BTBD16: variants seen among roughly 807,000 people sequenced by gnomAD.
BTBD16 encodes BTB/POZ domain-containing protein 16.
A neutral mutation model predicts 67.4 loss-of-function variants in BTBD16; 66 were observed. That is an observed-to-expected ratio of 0.98 (90% CI 0.80 to 1.20). BTBD16 has a LOEUF of 1.20. BTBD16 is among the 50% of genes most tolerant of loss of function. The pLI, the probability that BTBD16 is intolerant of heterozygous loss-of-function variation, is 0.00. For missense variants in BTBD16, 634 were observed against 616.0 expected, an observed-to-expected ratio of 1.03 and a Z score of -0.31; for synonymous variants, 242 against 236.4, an observed-to-expected ratio of 1.02 and a Z score of -0.22.
At chr10:122,296,312 A>C (rs1590063989) in intron 7 of BTBD16, among the ~76,000 whole-genome samples, 2 of 152,264 alleles carry the variant, frequency 1.3e-5, no homozygotes, top group Admixed American at 1.3e-4. Flanking sequence ...CCAAAATGCA[A>C]CTCAGTAAAA....
At chr10:122,325,589 G>C (rs985429416) in intron 10 of BTBD16, among the ~76,000 whole-genome samples, 4 of 152,110 alleles carry the variant, frequency 2.6e-5, no homozygotes, top group Admixed American at 2.6e-4. Context: ...ATGATGTGGG[G>C]GTGGCAGCAG....
At chr10:122,294,738 C>T (rs2096380029) in intron 7 of BTBD16, among the ~76,000 whole-genome samples, 1 of 152,240 alleles carries the variant, frequency 6.6e-6, no homozygotes, top group African/African-American at 2.4e-5. Context: ...AGCCCAGAGG[C>T]GAGCCCGGAT....
intron 6 of BTBD16, 157 bp from the exon 7 acceptor site, chr10:122,290,920 GATC>G: frequency 1.4e-6 from 1 of 691,134 alleles, no homozygotes; most frequent in Admixed American, 6.3e-5. Flanking sequence ...TGGTAGCACA[GATC>G]GTCAGCTTCT....
intron 5 of BTBD16, among the ~76,000 whole-genome samples, chr10:122,289,124 C>A (rs1273890320): frequency 1.3e-5 from 2 of 152,116 alleles, no homozygotes; most frequent in Admixed American, 1.3e-4. Flanking sequence ...ACAATAGCCA[C>A]CACAGGGACA....
chr10:122,275,877 A>G (rs577119664), intron 2 of BTBD16, among the ~76,000 whole-genome samples: 1 of 151,680 alleles, frequency 6.6e-6, no homozygotes, highest in South Asian at 2.1e-4. Flanking sequence ...AAAAGAATAA[A>G]AAGACAGGTG....
At chr10:122,304,981 T>C (rs2096401078) in intron 9 of BTBD16, among the ~76,000 whole-genome samples, 1 of 152,144 alleles carries the variant, frequency 6.6e-6, no homozygotes, top group Non-Finnish European at 1.5e-5. Flanking sequence ...GCTGAGCATG[T>C]CATGATGTGC....
intron 10 of BTBD16, among the ~76,000 whole-genome samples, chr10:122,326,212 A>C (rs1431016072): frequency 6.6e-6 from 1 of 152,102 alleles, no homozygotes; most frequent in Non-Finnish European, 1.5e-5. Flanking sequence ...CATAGCATGA[A>C]TTTTTCCCAT....
chr10:122,332,578 G>T, intron 13 of BTBD16, 65 bp downstream of exon 13: 1 of 1,519,992 alleles, frequency 6.6e-7, no homozygotes, highest in South Asian at 1.2e-5. Context: ...AAGAACCTTT[G>T]GAGGGCAGCC....
At chr10:122,329,901 G>A (rs533620714) in intron 11 of BTBD16, among the ~76,000 whole-genome samples, 1 of 152,238 alleles carries the variant, frequency 6.6e-6, no homozygotes, top group South Asian at 2.1e-4. Context: ...TCACTTCTAG[G>A]CCCCTTGTTC....
intron 3 of BTBD16, among the ~76,000 whole-genome samples, chr10:122,282,937 T>A (rs1266934534): frequency 1.3e-5 from 2 of 151,722 alleles, no homozygotes; most frequent in African/African-American, 4.8e-5. Flanking sequence ...AGGAGAGCAT[T>A]TGGGAGAGGG....
chr10:122,319,935 T>C (rs975278036), intron 10 of BTBD16, among the ~76,000 whole-genome samples: 2 of 152,162 alleles, frequency 1.3e-5, no homozygotes, highest in Non-Finnish European at 2.9e-5. Context: ...TTTAGAAAAT[T>C]TATCTCTAAG....
In BTBD16 at chr10:122,277,043, G is replaced by T. The variant is rs555339266; in HGVS notation, c.167+104G>T. ...TGATTGGCTGCAGTGGCTGTCAAGGGCACATCTGCAAGGAAGGCTCCCTCT... is the reference window on the plus strand; with the variant it reads ...TGATTGGCTGCAGTGGCTGTCAAGGTCACATCTGCAAGGAAGGCTCCCTCT... On this transcript the variant is annotated intron_variant, in intron 3 of 15. Coordinates refer to ENST00000260723, the MANE Select transcript of BTBD16 (RefSeq NM_144587.5). The T allele has an allele frequency of 4.4e-6, 6 of 1,349,518 alleles. No individual in the cohort carries two copies. The Admixed American group carries it at 1.4e-4, about 33-fold the overall frequency. The allele number at this position is 1,349,518 out of a possible 1,614,324, so 83.6% of individuals were successfully genotyped here.
intron 15 of BTBD16, among the ~76,000 whole-genome samples, chr10:122,337,064 C>T (rs1464944254): frequency 6.6e-6 from 1 of 152,218 alleles, no homozygotes; most frequent in Non-Finnish European, 1.5e-5. Context: ...ACCCACCTGC[C>T]TCACTCAGGC....
intron 9 of BTBD16, among the ~76,000 whole-genome samples, chr10:122,301,993 C>T (rs570630074): frequency 1.3e-5 from 2 of 152,270 alleles, no homozygotes; most frequent in Admixed American, 6.5e-5. Context: ...TCACGTGGCC[C>T]CGGAGTGGGA....
At chr10:122,314,001 G>A (rs539088133) in intron 10 of BTBD16, among the ~76,000 whole-genome samples, 1 of 152,154 alleles carries the variant, frequency 6.6e-6, no homozygotes, top group South Asian at 2.1e-4. Context: ...CCCCAATTTT[G>A]TTCTTCTCCA....
intron 14 of BTBD16, 40 bp from the exon 15 acceptor site, chr10:122,336,454 C>T (rs567142365): frequency 2.1e-5 from 32 of 1,541,160 alleles, no homozygotes; most frequent in East Asian, 7.1e-5. Flanking sequence ...TGGGCCACCC[C>T]GATTGCAGTT....
chr10:122,334,871 C>G lies in BTBD16; in HGVS notation c.1165-10C>G, dbSNP rs770029421. ...CCCCTTCACTTTGTTGTTTCTCTTT[C>G]CCAATTTAGGAGAATACAACTTATT... is the stretch of plus-strand genomic sequence containing the variant. On this transcript the variant is annotated splice_polypyrimidine_tract_variant and intron_variant, in intron 13 of 15. Transcript: ENST00000260723. The G allele has an allele frequency of 3.3e-6, 5 of 1,502,238 alleles. No individual in the cohort carries two copies. 93.1% of individuals were successfully genotyped at this position (1,502,238 alleles called of 1,614,324 possible). A position where few individuals can be genotyped will look rare whatever the true frequency, so the allele number is the denominator to read the frequency against.
intron 1 of BTBD16, among the ~76,000 whole-genome samples, chr10:122,274,521 G>A (rs576681617): frequency 1.3e-5 from 2 of 152,128 alleles, no homozygotes; most frequent in African/African-American, 2.4e-5. Context: ...TAATCAAATG[G>A]GTTTCTGTTG....
At position 122,325,459 on chromosome 10, in the gene BTBD16, G is replaced by A. The variant is rs150618641; in HGVS notation, c.912-4021G>A. Among the ~76,000 whole-genome samples the A allele has an allele frequency of 3.1e-3, 466 of 152,174 alleles. 6 individuals carry two copies. Among genetic ancestry groups the A allele is most frequent in the Admixed American group, 0.021 (321 of 15,288 alleles). On this transcript the variant is annotated intron_variant, in intron 10 of 15. Transcript: ENST00000260723. ...ACTTTGGGCAAGCACCCTAAGCACC[G>A]TGCATGGAGGTAACAACACACACTC...
Sources: gnomAD v4.1 joint callset for allele counts (sites outside exome capture counted in the v4.1 genomes callset) on GRCh38, gnomAD v4.1.1 for gene constraint, MANE v1.5 for transcripts, NCBI Gene and HGNC (gene_info 2026-07-23, HGNC 2026-07-21) for gene names.